The following RANBP17 variants were observed in gnomAD, a reference collection of about 807,000 sequenced individuals.
The protein encoded by RANBP17 is RAN binding protein 17.
RANBP17 carries 158 observed loss-of-function variants against 141.2 expected under a neutral mutation model. The ratio of observed to expected loss-of-function variants is 1.12; its 90% CI spans 0.98 to 1.28. The LOEUF is 1.28. Among genes scored for constraint, RANBP17 ranks in the 50% most tolerant of loss-of-function variants. RANBP17 has a pLI of 0.00. For synonymous variants in RANBP17, 430 were observed against 450.0 expected (o/e 0.96, Z 0.56); for missense variants, 1,438 against 1,290.7 (o/e 1.11, Z -1.75).
intron 14 of RANBP17, among the ~76,000 whole-genome samples, chr5:171,092,878 C>T (rs1306570702): frequency 2.6e-5 from 4 of 152,110 alleles, no homozygotes; most frequent in Admixed American, 6.6e-5. Flanking sequence ...ACTCTGTAGT[C>T]GGCATTTAAT....
chr5:171,007,743 A>T (rs1779752788), intron 14 of RANBP17, among the ~76,000 whole-genome samples: 1 of 152,152 alleles, frequency 6.6e-6, no homozygotes, highest in Admixed American at 6.5e-5. Flanking sequence ...ACCATTGTCG[A>T]GTTTGTACTG....
At chr5:171,220,482 C>T (rs368053880) in intron 21 of RANBP17, among the ~76,000 whole-genome samples, 70 of 139,522 alleles carry the variant, frequency 5.0e-4, no homozygotes, top group African/African-American at 1.9e-3. Flanking sequence ...AGAGTCTCAC[C>T]TTGTTGCCCA....
At chr5:171,006,903 C>T (rs1275157793) in intron 14 of RANBP17, among the ~76,000 whole-genome samples, 1 of 152,082 alleles carries the variant, frequency 6.6e-6, no homozygotes, top group Non-Finnish European at 1.5e-5. Flanking sequence ...GCTTTGTAAG[C>T]TGCCGTTTTA....
Position 171,171,236 on chromosome 5 carries a change from T to A in RANBP17, c.1815T>A (p.Tyr605Ter), listed in dbSNP as rs751536759. Reference sequence around the variant, plus strand: ...CAAACCTTAAATACTGGGGAAGATATGAGCCTGTAATTTCAAGGACTCTTC... The same window carrying A: ...CAAACCTTAAATACTGGGGAAGATAAGAGCCTGTAATTTCAAGGACTCTTC... The part of the protein sequence containing the change: ...IVTNLKYWGR[Y>*]EPVISRTLQF... The change falls in exon 16 of 28, where the codon TAT becomes TAA. Residue 605 changes from tyrosine (Y) to a stop codon, truncating the protein, a stop_gained. Coordinates refer to ENST00000523189, the MANE Select transcript of RANBP17 (RefSeq NM_022897.5). LOFTEE classifies it high-confidence loss of function. 6.3e-7 allele frequency: 1 copy of A among 1,598,302 alleles called. No individual in the cohort carries two copies. The highest frequency in any genetic ancestry group is 8.6e-7 in the Non-Finnish European group (1 of 1,169,526).
intron 14 of RANBP17, among the ~76,000 whole-genome samples, chr5:171,131,224 A>G (rs1756893872): frequency 6.6e-6 from 1 of 152,202 alleles, no homozygotes. Context: ...TTCTTTTTCC[A>G]TATAAAATAT....
chr5:170,898,485 A>T (rs1770332392), intron 5 of RANBP17, among the ~76,000 whole-genome samples: 2 of 151,574 alleles, frequency 1.3e-5, no homozygotes, highest in Non-Finnish European at 2.9e-5. Context: ...TTGCCTGTTC[A>T]CTCTGATGAT....
chr5:171,251,828 C>CA, intron 24 of RANBP17: 2 of 1,264,320 alleles, frequency 1.6e-6, no homozygotes. Context: ...ATCCTAATGA[C>CA]AGTCTCCAAA....
At chr5:171,241,880 C>A (rs555138711) in intron 23 of RANBP17, among the ~76,000 whole-genome samples, 1 of 152,288 alleles carries the variant, frequency 6.6e-6, no homozygotes, top group South Asian at 2.1e-4. Flanking sequence ...TGTCATTTAG[C>A]GAGTCTGAAG....
At chr5:170,994,037 C>A (rs187513419) in intron 14 of RANBP17, among the ~76,000 whole-genome samples, 1 of 152,086 alleles carries the variant, frequency 6.6e-6, no homozygotes, top group African/African-American at 2.4e-5. Context: ...ATTACTTAAC[C>A]ATAGAAACCT....
chr5:171,078,495 G>A (rs562428062), intron 14 of RANBP17, among the ~76,000 whole-genome samples: 1 of 152,332 alleles, frequency 6.6e-6, no homozygotes, highest in African/African-American at 2.4e-5. Context: ...ACAGTCTTCT[G>A]TTGAAGAAAA....
chr5:170,960,075 A>G (rs950619741), intron 13 of RANBP17, among the ~76,000 whole-genome samples: 16 of 152,314 alleles, frequency 1.1e-4, no homozygotes, highest in Middle Eastern at 3.4e-3. Context: ...TCTTGATAGT[A>G]CTTATTACCT....
At chr5:171,257,737 A>G (rs183338715) in intron 24 of RANBP17, among the ~76,000 whole-genome samples, 10 of 152,324 alleles carry the variant, frequency 6.6e-5, no homozygotes, top group Admixed American at 5.9e-4. Flanking sequence ...ACAAAAATCA[A>G]TAGTATTTCT....
At chr5:170,945,101 A>T (rs1774643923) in intron 12 of RANBP17, among the ~76,000 whole-genome samples, 1 of 152,152 alleles carries the variant, frequency 6.6e-6, no homozygotes, top group Non-Finnish European at 1.5e-5. Flanking sequence ...AGATACTTAC[A>T]GCAGATGTTT....
chr5:171,063,133 A>G (rs1784024190), intron 14 of RANBP17, among the ~76,000 whole-genome samples: 1 of 152,118 alleles, frequency 6.6e-6, no homozygotes, highest in Non-Finnish European at 1.5e-5. Context: ...GAGTAGTTTG[A>G]TCGTCTGAAG....
chr5:170,903,722 C>T (rs1770850559), intron 5 of RANBP17: 1 of 308,964 alleles, frequency 3.2e-6, no homozygotes, highest in East Asian at 8.5e-5. Context: ...TTAGCAAAGT[C>T]GACCTCATAG....
chr5:171,119,668 TG>T (rs1318769573), intron 14 of RANBP17, among the ~76,000 whole-genome samples: 1 of 152,168 alleles, frequency 6.6e-6, no homozygotes. Flanking sequence ...ATGTTCTCCT[TG>T]GTAAGGCTTT....
intron 5 of RANBP17, among the ~76,000 whole-genome samples, 197 bp from the exon 6 acceptor site, chr5:170,909,464 C>G (rs1771343180): frequency 6.6e-6 from 1 of 151,216 alleles, no homozygotes; most frequent in African/African-American, 2.4e-5. Flanking sequence ...GTTGTTTATA[C>G]TGCCTCTGAA....
chr5:171,223,749 T>C (rs918433153), intron 22 of RANBP17, among the ~76,000 whole-genome samples: 2 of 152,258 alleles, frequency 1.3e-5, no homozygotes, highest in Non-Finnish European at 2.9e-5. Context: ...TTTTTGTATA[T>C]ATCTAATTCC....
chr5:171,210,211 T>G (rs1466366242), intron 20 of RANBP17, among the ~76,000 whole-genome samples: 1 of 152,158 alleles, frequency 6.6e-6, no homozygotes, highest in African/African-American at 2.4e-5. Context: ...CATTGGAAAA[T>G]TAAACTCCTA....
Sources: allele counts gnomAD v4.1 joint callset (sites outside exome capture counted in the v4.1 genomes callset), GRCh38; gene constraint gnomAD v4.1.1; transcripts MANE v1.5; gene names NCBI Gene and HGNC (gene_info 2026-07-23, HGNC 2026-07-21).